The following EEA1 variants were observed in gnomAD, a reference collection of about 807,000 sequenced individuals.
EEA1 encodes early endosome antigen 1.
A neutral mutation model predicts 209.2 loss-of-function variants in EEA1; 111 were observed. The observed-to-expected ratio is 0.53, with a 90% confidence interval of 0.45 to 0.62. EEA1 has a LOEUF of 0.62. Among genes scored for constraint, EEA1 ranks in the 20% least tolerant of loss-of-function variants. The probability of loss-of-function intolerance (pLI) is 0.00; values close to 1 mark genes in which losing one functional copy is unlikely to be tolerated. For synonymous variants in EEA1, 536 were observed against 540.6 expected, an observed-to-expected ratio of 0.99 and a Z score of 0.12; for missense variants, 1,343 against 1,530.8, an observed-to-expected ratio of 0.88 and a Z score of 2.05.
At chr12:92,909,987 A>T (rs188704471) in intron 1 of EEA1, among the ~76,000 whole-genome samples, 2 of 152,092 alleles carry the variant, frequency 1.3e-5, no homozygotes, top group South Asian at 2.1e-4. Flanking sequence ...TGCTAAAAAT[A>T]CAAAAATTAG....
intron 21 of EEA1, among the ~76,000 whole-genome samples, chr12:92,790,269 G>A (rs1328122439): frequency 3.3e-5 from 5 of 152,224 alleles, no homozygotes; most frequent in Non-Finnish European, 7.3e-5. Flanking sequence ...AACAAAGCTG[G>A]ATGGAGAATA....
intron 25 of EEA1, 126 bp downstream of exon 25, chr12:92,778,989 T>C: frequency 6.5e-6 from 5 of 769,704 alleles, no homozygotes; most frequent in Non-Finnish European, 9.7e-6. Context: ...TCAGATCTCC[T>C]TCCTTAATCA....
At chr12:92,826,464 C>T (rs149342774) in intron 12 of EEA1, among the ~76,000 whole-genome samples, 179 bp from the exon 13 acceptor site, 1 of 151,874 alleles carries the variant, frequency 6.6e-6, no homozygotes, top group Non-Finnish European at 1.5e-5. Context: ...AATCCCAGCA[C>T]TTTGGGAGGC....
At chr12:92,792,333 G>A (rs964385890) in intron 21 of EEA1, among the ~76,000 whole-genome samples, 1 of 151,932 alleles carries the variant, frequency 6.6e-6, no homozygotes, top group African/African-American at 2.4e-5. Flanking sequence ...TTCAATGAAT[G>A]CAGGAGCTGG....
chr12:92,785,366 T>A (rs1267332940), intron 22 of EEA1, among the ~76,000 whole-genome samples: 2 of 152,214 alleles, frequency 1.3e-5, no homozygotes, highest in African/African-American at 4.8e-5. Flanking sequence ...TGCTCTACAC[T>A]GTCAACCCAT....
chr12:92,818,514 G>A (rs1024665312), intron 14 of EEA1, among the ~76,000 whole-genome samples: 1 of 152,054 alleles, frequency 6.6e-6, no homozygotes, highest in Non-Finnish European at 1.5e-5. Flanking sequence ...TGAATGCAGG[G>A]CTTCCTGACC....
intron 3 of EEA1, among the ~76,000 whole-genome samples, chr12:92,860,965 TA>T (rs1555204886): frequency 1.3e-5 from 2 of 150,030 alleles, no homozygotes; most frequent in Non-Finnish European, 3.0e-5. Flanking sequence ...GCTCTGTAAA[TA>T]GGGGGGAAAT....
intron 3 of EEA1, chr12:92,858,664 G>A: frequency 1.4e-6 from 1 of 737,566 alleles, no homozygotes; most frequent in South Asian, 1.4e-5. Flanking sequence ...GGATTGAGGT[G>A]CTATGCTTCC....
chr12:92,919,030 C>T (rs1283021655), intron 1 of EEA1, among the ~76,000 whole-genome samples: 1 of 142,706 alleles, frequency 7.0e-6, no homozygotes, highest in Non-Finnish European at 1.5e-5. Flanking sequence ...CATACACTCT[C>T]CCAAGACTAA....
intron 9 of EEA1, among the ~76,000 whole-genome samples, chr12:92,843,675 T>C (rs985885173): frequency 1.9e-4 from 29 of 152,158 alleles, no homozygotes; most frequent in African/African-American, 6.3e-4. Flanking sequence ...ATATTAATAT[T>C]TCTAATATTG....
chr12:92,802,570 T>C lies in EEA1; in HGVS notation c.2504A>G (p.Gln835Arg), dbSNP rs754708087. ...IQHEELNNRIQTTVTELQKVK... is the reference protein window; with the variant it reads ...IQHEELNNRIRTTVTELQKVK... ...TTTTTGTAGTTCTGTTACTGTTGTT[T>C]GAATTCTGTTATTCAATTCCTCATG... Residue 835 changes from glutamine (Q) to arginine (R), a missense_variant, in exon 19 of 29, where the codon CAA becomes CGA. Coordinates refer to ENST00000322349, the MANE Select transcript of EEA1 (RefSeq NM_003566.4). 6 of 1,600,614 alleles carry C rather than the reference T, an allele frequency of 3.7e-6. No homozygotes were observed. Among genetic ancestry groups the C allele is most frequent in the Non-Finnish European group, 5.1e-6 (6 of 1,176,166 alleles).
At chr12:92,820,610 G>A (rs1876003732) in intron 13 of EEA1, among the ~76,000 whole-genome samples, 1 of 152,072 alleles carries the variant, frequency 6.6e-6, no homozygotes, top group South Asian at 2.1e-4. Context: ...TGGGGGCAAG[G>A]AGAGGGAGAG....
intron 2 of EEA1, among the ~76,000 whole-genome samples, chr12:92,871,787 ATAT>A (rs2136731660): frequency 6.6e-6 from 1 of 152,290 alleles, no homozygotes; most frequent in African/African-American, 2.4e-5. Context: ...TTCAGTTAGA[ATAT>A]TATTTTGTTT....
intron 10 of EEA1, among the ~76,000 whole-genome samples, chr12:92,834,797 A>G (rs1459764520): frequency 1.3e-5 from 2 of 152,194 alleles, no homozygotes; most frequent in South Asian, 2.1e-4. Context: ...TTTTCTTGAC[A>G]TAATTCTACA....
chr12:92,836,196 A>T (rs1283959400), intron 10 of EEA1, among the ~76,000 whole-genome samples: 1 of 152,212 alleles, frequency 6.6e-6, no homozygotes, highest in Non-Finnish European at 1.5e-5. Flanking sequence ...AAATCCAATA[A>T]ATTTTTCATA....
At chr12:92,878,482 T>C (rs1879008839) in intron 2 of EEA1, among the ~76,000 whole-genome samples, 1 of 152,156 alleles carries the variant, frequency 6.6e-6, no homozygotes, top group Admixed American at 6.6e-5. Flanking sequence ...GCAAGTTGAA[T>C]GTTGGGGTAG....
chr12:92,789,697 G>A (rs1239983073), intron 21 of EEA1, among the ~76,000 whole-genome samples: 2 of 152,220 alleles, frequency 1.3e-5, no homozygotes, highest in Non-Finnish European at 2.9e-5. Context: ...GCAGGGCATA[G>A]CTAAGCAAAA....
chr12:92,921,824 C>T (rs1390475662), intron 1 of EEA1, among the ~76,000 whole-genome samples: 1 of 118,574 alleles, frequency 8.4e-6, no homozygotes, highest in Non-Finnish European at 1.7e-5. Context: ...GCCGAGATCA[C>T]ACCACTGTAC....
chr12:92,883,121 A>G (rs946192113), intron 2 of EEA1, among the ~76,000 whole-genome samples: 7 of 152,164 alleles, frequency 4.6e-5, no homozygotes, highest in African/African-American at 1.4e-4. Context: ...CTGGTGTGAG[A>G]TGGTATCTCA....
Sources: gnomAD v4.1 joint callset for allele counts (sites outside exome capture counted in the v4.1 genomes callset) on GRCh38, gnomAD v4.1.1 for gene constraint, MANE v1.5 for transcripts, NCBI Gene and HGNC (gene_info 2026-07-23, HGNC 2026-07-21) for gene names.